Variants in SHB observed in about 807,000 individuals in gnomAD.
The protein encoded by SHB is SH2 domain containing adaptor protein B.
In SHB, 20 loss-of-function variants were observed where a neutral mutation model predicts 52.3. That is an observed-to-expected ratio of 0.38 (90% confidence interval 0.27 to 0.56). The LOEUF is 0.56. SHB is among the 20% of genes least tolerant of loss of function. The pLI, the probability that SHB is intolerant of heterozygous loss-of-function variation, is 0.71. For missense variants in SHB, 825 were observed against 723.3 expected (o/e 1.14, Z -1.61); for synonymous variants, 397 against 316.5 (o/e 1.25, Z -2.70).
chr9:37,988,660 G>C (rs1820840813), intron 2 of SHB, among the ~76,000 whole-genome samples: 3 of 152,116 alleles, frequency 2.0e-5, no homozygotes, highest in African/African-American at 7.2e-5. Flanking sequence ...TGTCAACATG[G>C]TTGTCCTATG....
Position 37,917,325 on chromosome 9 carries a change from C to T in SHB, c.*2496G>A, listed in dbSNP as rs918949139. ...GCCTCCCAGGGAAACTTCAGGAAGA[C>T]GAAGGCCAGGGACAGAGGGAGGGTC... On this transcript the variant is annotated 3_prime_UTR_variant, in exon 6 of 6. Coordinates refer to ENST00000377707, the MANE Select transcript of SHB (RefSeq NM_003028.3). Among the ~76,000 whole-genome samples, 2 of 152,124 alleles carry T rather than the reference C, an allele frequency of 1.3e-5. No individual in the cohort carries two copies. Among genetic ancestry groups the T allele is most frequent in the East Asian group, 1.9e-4 (1 of 5,190 alleles).
intron 2 of SHB, among the ~76,000 whole-genome samples, chr9:37,995,590 AC>A (rs1820937592): frequency 6.6e-6 from 1 of 152,192 alleles, no homozygotes; most frequent in South Asian, 2.1e-4. Flanking sequence ...AAAGGTCCTT[AC>A]ACTCTCATTC....
chr9:37,953,558 G>A (rs1832592055), intron 4 of SHB, among the ~76,000 whole-genome samples: 2 of 152,248 alleles, frequency 1.3e-5, no homozygotes, highest in South Asian at 4.2e-4. Flanking sequence ...GAGCACTGGA[G>A]CACCTTTCTG....
At chr9:37,959,544 C>G (rs748507630) in intron 3 of SHB, among the ~76,000 whole-genome samples, 8 of 152,198 alleles carry the variant, frequency 5.3e-5, no homozygotes, top group Non-Finnish European at 8.8e-5. Flanking sequence ...TGGGGCTCCA[C>G]TGGCTAAAAT....
intron 3 of SHB, among the ~76,000 whole-genome samples, chr9:37,961,353 G>A (rs1832690199): frequency 6.6e-6 from 1 of 151,986 alleles, no homozygotes; most frequent in South Asian, 2.1e-4. Flanking sequence ...GTTCCTTCAG[G>A]GTGGATCTCT....
intron 1 of SHB, among the ~76,000 whole-genome samples, chr9:38,043,735 C>A (rs879423722): frequency 2.0e-5 from 3 of 152,054 alleles, no homozygotes; most frequent in Non-Finnish European, 4.4e-5. Context: ...ACTAAAAATA[C>A]AAAACTAGCT....
intron 2 of SHB, among the ~76,000 whole-genome samples, chr9:37,997,514 G>A (rs758741054): frequency 2.0e-5 from 3 of 152,174 alleles, no homozygotes; most frequent in Non-Finnish European, 4.4e-5. Flanking sequence ...TCCCCACAGC[G>A]CAAAGTAAAG....
chr9:38,007,213 G>A (rs1158120714), intron 2 of SHB, among the ~76,000 whole-genome samples: 1 of 152,252 alleles, frequency 6.6e-6, no homozygotes, highest in East Asian at 1.9e-4. Context: ...AAGCAAGCAA[G>A]TCACAGCAGA....
chr9:37,966,992 G>A (rs1471464563), intron 3 of SHB, among the ~76,000 whole-genome samples: 1 of 152,198 alleles, frequency 6.6e-6, no homozygotes, highest in Non-Finnish European at 1.5e-5. Context: ...GGGAATTCCA[G>A]CCTGACCCCA....
chr9:38,057,016 C>T (rs1821829941), intron 1 of SHB, among the ~76,000 whole-genome samples: 1 of 152,190 alleles, frequency 6.6e-6, no homozygotes, highest in African/African-American at 2.4e-5. Flanking sequence ...TAAGGTCTTT[C>T]TAGAACACAA....
chr9:37,983,472 C>T (rs1030452479), intron 2 of SHB, among the ~76,000 whole-genome samples: 9 of 152,132 alleles, frequency 5.9e-5, no homozygotes, highest in Non-Finnish European at 1.2e-4. Context: ...GGAGTGATGC[C>T]CAGGAACCTC....
intron 2 of SHB, among the ~76,000 whole-genome samples, chr9:37,992,556 G>A (rs947862513): frequency 6.6e-6 from 1 of 152,176 alleles, no homozygotes; most frequent in African/African-American, 2.4e-5. Context: ...GGGGCAACAG[G>A]GAGCCACTGA....
chr9:38,064,600 G>A (rs1045550434), intron 1 of SHB, among the ~76,000 whole-genome samples: 2 of 152,200 alleles, frequency 1.3e-5, no homozygotes, highest in Admixed American at 1.3e-4. Flanking sequence ...TCTAGGTGAT[G>A]AACTTCCCAA....
chr9:38,015,159 G>C (rs1416828253), intron 2 of SHB, among the ~76,000 whole-genome samples: 2 of 152,226 alleles, frequency 1.3e-5, no homozygotes, highest in African/African-American at 4.8e-5. Flanking sequence ...GGCACTGCCT[G>C]TGTGGGGTCA....
At position 38,068,267 on chromosome 9, in the gene SHB, C is replaced by A; in HGVS notation, c.379G>T (p.Ala127Ser). 6.9e-7 allele frequency: 1 copy of A among 1,453,732 alleles called. No homozygotes were observed. The highest frequency in any genetic ancestry group is 9.0e-7 in the Non-Finnish European group (1 of 1,111,462). 90.1% of individuals were successfully genotyped at this position (1,453,732 alleles called of 1,614,324 possible). ...CCCGACGCGGACGAGGCCGAGAAGG[C>A]GCGCTGGACCCCGCCTGGCTCCCCG... ...GSGEPGGVQR[A>S]FSASSASGAA... Residue 127 changes from alanine (A) to serine (S), a missense_variant, in exon 1 of 6, where the codon GCC becomes TCC. Coordinates refer to ENST00000377707, the MANE Select transcript of SHB (RefSeq NM_003028.3).
intron 2 of SHB, among the ~76,000 whole-genome samples, chr9:37,999,679 C>T (rs1188096145): frequency 3.3e-5 from 5 of 152,112 alleles, no homozygotes; most frequent in Admixed American, 2.0e-4. Context: ...ACCAGCAGCA[C>T]GTGGGAGGCT....
At chr9:38,063,631 GT>G (rs1399699644) in intron 1 of SHB, among the ~76,000 whole-genome samples, 9 of 152,344 alleles carry the variant, frequency 5.9e-5, no homozygotes, top group African/African-American at 2.2e-4. Context: ...CATTCCTCGG[GT>G]TGTGATATTG....
chr9:37,959,167 G>A (rs1338017245), intron 3 of SHB, among the ~76,000 whole-genome samples: 4 of 152,202 alleles, frequency 2.6e-5, no homozygotes, highest in South Asian at 2.1e-4. Context: ...CGGGAGGGAT[G>A]TAGAAGCTTG....
chr9:37,944,482 A>G (rs1464521858), intron 5 of SHB, among the ~76,000 whole-genome samples: 1 of 152,176 alleles, frequency 6.6e-6, no homozygotes. Context: ...CTGACGTCAG[A>G]AGACCTTTCG....
Sources: allele counts gnomAD v4.1 joint callset (sites outside exome capture counted in the v4.1 genomes callset), GRCh38; gene constraint gnomAD v4.1.1; transcripts MANE v1.5; gene names NCBI Gene and HGNC (gene_info 2026-07-23, HGNC 2026-07-21).